The following KHDRBS2 variants were observed in gnomAD, a reference collection of about 807,000 sequenced individuals.
KHDRBS2 encodes the protein KH RNA binding domain containing, signal transduction associated 2.
KHDRBS2 carries 26 observed loss-of-function variants against 44.3 expected under a neutral mutation model. The observed-to-expected ratio is 0.59, with a 90% CI of 0.43 to 0.81. The LOEUF (loss-of-function observed/expected upper bound fraction) is 0.81, where lower values mean the gene tolerates loss of function less well. Among genes scored for constraint, KHDRBS2 ranks in the 40% least tolerant of loss-of-function variants. The probability of loss-of-function intolerance (pLI) is 0.00; values close to 1 mark genes in which losing one functional copy is unlikely to be tolerated. For synonymous variants in KHDRBS2, 194 were observed against 151.1 expected (o/e 1.28, Z -2.08); for missense variants, 476 against 433.1 (o/e 1.10, Z -0.88).
At chr6:62,035,938 G>A (rs2127295776) in intron 3 of KHDRBS2, among the ~76,000 whole-genome samples, 1 of 152,110 alleles carries the variant, frequency 6.6e-6, no homozygotes, top group South Asian at 2.1e-4. Flanking sequence ...TTCTTCATTA[G>A]ATGTGCAGTT....
At chr6:61,771,614 A>T (rs1413045034) in intron 6 of KHDRBS2, among the ~76,000 whole-genome samples, 1 of 152,226 alleles carries the variant, frequency 6.6e-6, no homozygotes, top group Non-Finnish European at 1.5e-5. Context: ...TGGTAAAGGG[A>T]TCAATTCCAC....
chr6:62,010,584 TGTGGGAGGGACCCA>T (rs1393004247), intron 3 of KHDRBS2, among the ~76,000 whole-genome samples: 10 of 152,250 alleles, frequency 6.6e-5, no homozygotes, highest in African/African-American at 1.9e-4. Context: ...TGCGATGTGT[TGTGGGAGGGACCCA>T]GTGGGAGATG....
At chr6:61,804,632 G>T (rs1348442046) in intron 6 of KHDRBS2, among the ~76,000 whole-genome samples, 7 of 152,234 alleles carry the variant, frequency 4.6e-5, no homozygotes, top group Non-Finnish European at 5.9e-5. Context: ...TGAAATGTAG[G>T]TGGAGGTTCC....
chr6:61,929,287 T>C (rs532252762), intron 4 of KHDRBS2, among the ~76,000 whole-genome samples: 1 of 152,340 alleles, frequency 6.6e-6, no homozygotes, highest in Non-Finnish European at 1.5e-5. Flanking sequence ...CTAATTTTAC[T>C]GATGGTTGTA....
chr6:62,003,144 A>C (rs901779314), intron 3 of KHDRBS2, among the ~76,000 whole-genome samples: 1 of 152,048 alleles, frequency 6.6e-6, no homozygotes, highest in Non-Finnish European at 1.5e-5. Context: ...TTTCTTAATA[A>C]CACTGTCTCC....
At chr6:61,777,306 A>C (rs1664744220) in intron 6 of KHDRBS2, among the ~76,000 whole-genome samples, 1 of 152,152 alleles carries the variant, frequency 6.6e-6, no homozygotes, top group South Asian at 2.1e-4. Context: ...AAATATAAAA[A>C]AAATTCCACT....
At chr6:61,606,722 C>A in the KHDRBS2 span, among the ~76,000 whole-genome samples, 502 of 152,276 alleles carry the variant, frequency 3.3e-3, 2 homozygotes, top group Non-Finnish European at 4.8e-3. Context: ...AGTTGGAAGA[C>A]TGGCTGAGTG....
chr6:61,606,070 T>A, the KHDRBS2 span, among the ~76,000 whole-genome samples: 1 of 152,186 alleles, frequency 6.6e-6, no homozygotes, highest in Non-Finnish European at 1.5e-5. Context: ...GAGCACCTTG[T>A]GAACCCCGCC....
chr6:61,719,495 G>A (rs930416581), intron 7 of KHDRBS2, among the ~76,000 whole-genome samples: 4 of 152,018 alleles, frequency 2.6e-5, no homozygotes, highest in East Asian at 1.9e-4. Context: ...AACATGAACA[G>A]AATTTAAATG....
At chr6:62,030,920 G>C (rs1007349881) in intron 3 of KHDRBS2, among the ~76,000 whole-genome samples, 1 of 151,970 alleles carries the variant, frequency 6.6e-6, no homozygotes, top group South Asian at 2.1e-4. Context: ...TAAATAAATC[G>C]TGGTATAGGC....
At chr6:61,997,100 A>C (rs1488439025) in intron 3 of KHDRBS2, among the ~76,000 whole-genome samples, 3 of 152,116 alleles carry the variant, frequency 2.0e-5, no homozygotes, top group Non-Finnish European at 4.4e-5. Context: ...ATATTTTTAA[A>C]CTAAAACATT....
At chr6:61,834,510 T>A (rs182436023) in intron 6 of KHDRBS2, among the ~76,000 whole-genome samples, 2 of 152,180 alleles carry the variant, frequency 1.3e-5, no homozygotes, top group Non-Finnish European at 2.9e-5. Context: ...AAGAAAAGAA[T>A]ACTCTCAAAA....
chr6:62,258,727 A>G (rs1001705070), intron 1 of KHDRBS2, among the ~76,000 whole-genome samples: 3 of 152,076 alleles, frequency 2.0e-5, no homozygotes, highest in African/African-American at 7.2e-5. Flanking sequence ...GTATATATAA[A>G]TATTCCAAAA....
At chr6:61,740,645 T>C (rs1167611326) in intron 6 of KHDRBS2, among the ~76,000 whole-genome samples, 4 of 151,940 alleles carry the variant, frequency 2.6e-5, no homozygotes, top group Non-Finnish European at 5.9e-5. Flanking sequence ...ACTATTTTTT[T>C]CCTCTTAGTT....
At chr6:62,050,616 C>T (rs1788795868) in intron 2 of KHDRBS2, among the ~76,000 whole-genome samples, 1 of 151,590 alleles carries the variant, frequency 6.6e-6, no homozygotes, top group Non-Finnish European at 1.5e-5. Flanking sequence ...ATATACATAC[C>T]CCAGAATGGC....
intron 2 of KHDRBS2, among the ~76,000 whole-genome samples, chr6:62,168,610 G>A (rs762524696): frequency 2.0e-5 from 3 of 151,950 alleles, no homozygotes; most frequent in Non-Finnish European, 4.4e-5. Flanking sequence ...TGTTTGTTGT[G>A]GCACAAGAAA....
At chr6:61,813,752 C>T (rs1384261549) in intron 6 of KHDRBS2, among the ~76,000 whole-genome samples, 1 of 152,070 alleles carries the variant, frequency 6.6e-6, no homozygotes, top group Non-Finnish European at 1.5e-5. Flanking sequence ...ATAGTGAAAT[C>T]CCATAAGAGT....
chr6:61,760,158 TC>T (rs1360851807), intron 6 of KHDRBS2, among the ~76,000 whole-genome samples: 3 of 152,200 alleles, frequency 2.0e-5, no homozygotes, highest in Non-Finnish European at 4.4e-5. Flanking sequence ...GTGCTAAACA[TC>T]CGGAAGACAT....
chr6:62,161,506 T>G (rs1270094631), intron 2 of KHDRBS2, among the ~76,000 whole-genome samples: 1 of 137,648 alleles, frequency 7.3e-6, no homozygotes, highest in East Asian at 2.2e-4. Flanking sequence ...GAGAATTGCA[T>G]AGGTTGTATG....
Sources: allele counts gnomAD v4.1 joint callset (sites outside exome capture counted in the v4.1 genomes callset), GRCh38; gene constraint gnomAD v4.1.1; transcripts MANE v1.5; gene names NCBI Gene and HGNC (gene_info 2026-07-23, HGNC 2026-07-21).